ZNF362: variants seen among roughly 807,000 people sequenced by gnomAD.
ZNF362 encodes the protein zinc finger protein 362.
In ZNF362, 11 loss-of-function variants were observed where a neutral mutation model predicts 42.9. The observed-to-expected ratio is 0.26, with a 90% confidence interval of 0.16 to 0.42. ZNF362 has a LOEUF of 0.42. Ranked by LOEUF, ZNF362 falls within the 20% of genes least tolerant of loss-of-function variation. The probability of loss-of-function intolerance (pLI) is 1.00; values close to 1 mark genes in which losing one functional copy is unlikely to be tolerated. For synonymous variants in ZNF362, 255 were observed against 257.3 expected (o/e 0.99, Z 0.09); for missense variants, 362 against 576.2 (o/e 0.63, Z 3.81).
chr1:33,209,730 C>T, the ZNF362 span, among the ~76,000 whole-genome samples: 27 of 151,986 alleles, frequency 1.8e-4, no homozygotes, highest in African/African-American at 6.3e-4. Flanking sequence ...TATAATATTC[C>T]CTGATGGTAG....
At chr1:33,187,340 A>T in the ZNF362 span, among the ~76,000 whole-genome samples, 3 of 152,232 alleles carry the variant, frequency 2.0e-5, no homozygotes, top group African/African-American at 7.2e-5. Context: ...CATTGACAGT[A>T]TGTGTCACAG....
chr1:33,220,226 C>T, the ZNF362 span, among the ~76,000 whole-genome samples: 62 of 152,276 alleles, frequency 4.1e-4, 1 homozygote, highest in African/African-American at 1.4e-3. Flanking sequence ...GAGTTTCCCT[C>T]AATCTCCAAT....
chr1:33,222,935 C>T, the ZNF362 span, among the ~76,000 whole-genome samples: 4 of 152,194 alleles, frequency 2.6e-5, no homozygotes, highest in South Asian at 6.2e-4. Context: ...GAATAAGTCT[C>T]ATGAGATCTG....
At chr1:33,249,395 T>A in the ZNF362 span, among the ~76,000 whole-genome samples, 2 of 152,182 alleles carry the variant, frequency 1.3e-5, no homozygotes, top group African/African-American at 4.8e-5. Flanking sequence ...TACGCCATTA[T>A]CCCCATCAGC....
the ZNF362 span, among the ~76,000 whole-genome samples, chr1:33,235,871 A>C: frequency 2.6e-5 from 4 of 152,210 alleles, no homozygotes; most frequent in African/African-American, 9.6e-5. Context: ...AGTCTTGTCA[A>C]TGCTGTTCCT....
At chr1:33,236,611 T>C in the ZNF362 span, among the ~76,000 whole-genome samples, 3 of 134,280 alleles carry the variant, frequency 2.2e-5, no homozygotes, top group Non-Finnish European at 4.7e-5. Context: ...CTACTATATG[T>C]AATATACTCT....
Position 33,280,057 on chromosome 1 carries a change from T to C in ZNF362, c.350-67T>C. 1 of 1,498,172 alleles carries C rather than the reference T, an allele frequency of 6.7e-7. No individual in the cohort carries two copies. Among genetic ancestry groups the C allele is most frequent in the Non-Finnish European group, 8.9e-7 (1 of 1,123,534 alleles). The allele number at this position is 1,498,172 out of a possible 1,614,324, so 92.8% of individuals were successfully genotyped here. A position where few individuals can be genotyped will look rare whatever the true frequency, so the allele number is the denominator to read the frequency against. On this transcript the variant is annotated intron_variant, in intron 4 of 8. Transcript: ENST00000539719. The surrounding 1 kb of genome is among the most constrained non-coding windows in gnomAD (Gnocchi z 5.6). ...TGCTCGCCTGCCAAAATCACATAGC[T>C]GGGTGGGCAGCTGAGCTGGCCTCTG...
chr1:33,212,104 G>A, the ZNF362 span, among the ~76,000 whole-genome samples: 1 of 152,082 alleles, frequency 6.6e-6, no homozygotes, highest in Admixed American at 6.5e-5. Flanking sequence ...ATGAGATCTG[G>A]TTGTTAAAAA....
the ZNF362 span, among the ~76,000 whole-genome samples, chr1:33,243,108 A>ATTATGTTATGTTATGTTATGTTATG: frequency 3.9e-4 from 57 of 144,548 alleles, no homozygotes; most frequent in African/African-American, 1.1e-3. Flanking sequence ...CACAACTGTT[A>ATTATGTTATGTTATGTTATGTTATG]TTATGTTATG....
the ZNF362 span, among the ~76,000 whole-genome samples, chr1:33,233,044 G>T: frequency 2.0e-5 from 3 of 152,194 alleles, no homozygotes; most frequent in African/African-American, 7.2e-5. Context: ...GGCTTGTCCA[G>T]GGTCACGCAC....
At position 33,299,183 on chromosome 1, in the gene ZNF362, T is replaced by G; in HGVS notation, c.*137T>G. On this transcript the variant is annotated 3_prime_UTR_variant, in exon 9 of 9. Transcript: ENST00000539719. ...CTTCCCAATCTTCCAGAAAGCTTGGTCCGCAGAAGCCCTGCCTGGTCCAGT... is the reference window on the plus strand; with the variant it reads ...CTTCCCAATCTTCCAGAAAGCTTGGGCCGCAGAAGCCCTGCCTGGTCCAGT... The G allele has an allele frequency of 1.5e-6, 1 of 686,682 alleles. No individual in the cohort carries two copies. The highest frequency in any genetic ancestry group is 2.5e-6 in the Non-Finnish European group (1 of 402,012). The allele number at this position is 686,682 out of a possible 1,614,324, so 42.5% of individuals were successfully genotyped here.
upstream of ZNF362, chr1:33,256,450 C>CCCGCCGCCG (rs761575797): frequency 0.016 from 2,488 of 157,376 alleles, 41 homozygotes; most frequent in African/African-American, 0.019. Context: ...GACCCAGCCT[C>CCCGCCGCCG]CCGCCGCCGC....
chr1:33,156,561 C>G, the ZNF362 span, among the ~76,000 whole-genome samples: 273 of 152,298 alleles, frequency 1.8e-3, 3 homozygotes, highest in Non-Finnish European at 2.2e-3. Context: ...CTGGGTCCCC[C>G]TCTTGTCCCT....
chr1:33,182,600 T>TTG, the ZNF362 span, among the ~76,000 whole-genome samples: 4,244 of 147,042 alleles, frequency 0.029, 63 homozygotes, highest in South Asian at 0.044. Flanking sequence ...AGTGCTGTAT[T>TTG]TGTGTGTGTG....
chr1:33,296,049 A>T (rs1225253244), intron 8 of ZNF362, among the ~76,000 whole-genome samples: 1 of 152,170 alleles, frequency 6.6e-6, no homozygotes, highest in African/African-American at 2.4e-5. Flanking sequence ...AGCCAGACAG[A>T]TCTATTTTTT....
intron 1 of ZNF362, chr1:33,261,120 T>C (rs930371518): frequency 6.6e-6 from 1 of 152,210 alleles, no homozygotes; most frequent in Non-Finnish European, 1.5e-5. Context: ...GATTTGAACC[T>C]AGCACTCTGG....
the ZNF362 span, among the ~76,000 whole-genome samples, chr1:33,250,896 G>GAAGAAGAAGAAGAAGGAGA: frequency 3.8e-4 from 15 of 39,920 alleles, no homozygotes; most frequent in Non-Finnish European, 7.2e-4. Flanking sequence ...GAAGAAGAAG[G>GAAGAAGAAGAAGAAGGAGA]AGAAGAAGAA....
the ZNF362 span, among the ~76,000 whole-genome samples, chr1:33,188,301 C>T: frequency 6.6e-6 from 1 of 152,152 alleles, no homozygotes; most frequent in Non-Finnish European, 1.5e-5. Flanking sequence ...GATGACTTAG[C>T]TATGCCTTCA....
At chr1:33,175,030 T>TACA in the ZNF362 span, among the ~76,000 whole-genome samples, 1 of 149,666 alleles carries the variant, frequency 6.7e-6, no homozygotes. Flanking sequence ...TATGTATATG[T>TACA]TTATGTATAT....
Sources: allele counts gnomAD v4.1 joint callset (sites outside exome capture counted in the v4.1 genomes callset), GRCh38; gene constraint gnomAD v4.1.1; non-coding constraint Gnocchi (gnomAD v3.1); transcripts MANE v1.5; gene names NCBI Gene and HGNC (gene_info 2026-07-23, HGNC 2026-07-21).